The following CBLN2 variants were observed in gnomAD, a reference collection of about 807,000 sequenced individuals.
The protein encoded by CBLN2 is cerebellin 2 precursor.
CBLN2 carries 7 observed loss-of-function variants against 15.0 expected under a neutral mutation model. The ratio of observed to expected loss-of-function variants is 0.47; its 90% CI spans 0.27 to 0.88. The LOEUF (loss-of-function observed/expected upper bound fraction) is 0.88, where lower values mean the gene tolerates loss of function less well. CBLN2 is among the 40% of genes least tolerant of loss of function. The pLI, the probability that CBLN2 is intolerant of heterozygous loss-of-function variation, is 0.14. For synonymous variants in CBLN2, 149 were observed against 135.2 expected (o/e 1.10, Z -0.71); for missense variants, 242 against 304.5 (o/e 0.79, Z 1.53).
At chr18:72,602,829 C>G (rs909068742) in intron 1 of CBLN2, among the ~76,000 whole-genome samples, 6 of 152,190 alleles carry the variant, frequency 3.9e-5, no homozygotes, top group African/African-American at 1.4e-4. Flanking sequence ...GGATTTTGGT[C>G]TTGCCTAGCC....
chr18:72,623,966 G>T (rs1408240505), intron 1 of CBLN2, among the ~76,000 whole-genome samples: 2 of 152,136 alleles, frequency 1.3e-5, no homozygotes, highest in Non-Finnish European at 2.9e-5. Flanking sequence ...GGGAGCTAAA[G>T]TCACCTGGGA....
chr18:72,614,918 G>GAAT lies in CBLN2; in HGVS notation c.15+23404_15+23406dup, dbSNP rs529813478. Reference sequence around the variant, plus strand: ...AAATTAACATAGTTATGTATTACAAGAATATTTCCACTGCTTTTCAGCATA... The same window carrying GAAT: ...AAATTAACATAGTTATGTATTACAAGAATAATATTTCCACTGCTTTTCAGCATA... On this transcript the variant is annotated intron_variant, in intron 1 of 2. Coordinates refer to the CBLN2 transcript ENST00000581073. Among the ~76,000 whole-genome samples, 3 of 150,388 alleles carry GAAT rather than the reference G, an allele frequency of 2.0e-5. No homozygotes were observed. The South Asian group carries it at 6.2e-4, about 31-fold the overall frequency.
chr18:72,598,783 A>T (rs1242884816), intron 1 of CBLN2, among the ~76,000 whole-genome samples: 1 of 152,230 alleles, frequency 6.6e-6, no homozygotes, highest in African/African-American at 2.4e-5. Flanking sequence ...TGCTTCTTGC[A>T]TGGACATCAG....
At chr18:72,590,197 G>A (rs1020214683) in intron 1 of CBLN2, among the ~76,000 whole-genome samples, 5 of 152,034 alleles carry the variant, frequency 3.3e-5, no homozygotes, top group Non-Finnish European at 4.4e-5. Context: ...CCCGGGAGGC[G>A]GAGCTTGCAG....
chr18:72,636,049 C>A (rs755929375), intron 1 of CBLN2, among the ~76,000 whole-genome samples: 4 of 152,050 alleles, frequency 2.6e-5, no homozygotes, highest in Non-Finnish European at 5.9e-5. Context: ...AAAAATCACC[C>A]TTTTCTTCAT....
At chr18:72,541,451 A>T (rs1598987960) in intron 3 of CBLN2, among the ~76,000 whole-genome samples, 1 of 152,180 alleles carries the variant, frequency 6.6e-6, no homozygotes, top group African/African-American at 2.4e-5. Context: ...GTGACTGAAG[A>T]CCATCAACCA....
At chr18:72,584,095 A>G (rs1284968714) in intron 1 of CBLN2, among the ~76,000 whole-genome samples, 1 of 152,110 alleles carries the variant, frequency 6.6e-6, no homozygotes, top group Non-Finnish European at 1.5e-5. Context: ...CGTTCAAAGC[A>G]CCAGCTGCAG....
chr18:72,567,679 C>T (rs965819243), intron 1 of CBLN2, among the ~76,000 whole-genome samples: 4 of 152,192 alleles, frequency 2.6e-5, no homozygotes, highest in Admixed American at 1.3e-4. Context: ...CATCTTCCCT[C>T]TTTCCTTTTC....
intron 1 of CBLN2, among the ~76,000 whole-genome samples, chr18:72,600,067 T>C (rs913122884): frequency 1.1e-4 from 16 of 152,192 alleles, no homozygotes; most frequent in African/African-American, 3.9e-4. Flanking sequence ...GCAGAAGCAC[T>C]TGTGGCCACA....
intron 1 of CBLN2, among the ~76,000 whole-genome samples, chr18:72,604,495 A>C (rs1599019577): frequency 1.3e-5 from 2 of 152,202 alleles, no homozygotes. Flanking sequence ...ACAATTTATG[A>C]AACAGTCATA....
chr18:72,587,018 G>A (rs2069448280), intron 1 of CBLN2, among the ~76,000 whole-genome samples: 1 of 151,826 alleles, frequency 6.6e-6, no homozygotes, highest in Non-Finnish European at 1.5e-5. Context: ...ACACTGCTAT[G>A]ATTTTTTTAT....
intron 1 of CBLN2, among the ~76,000 whole-genome samples, chr18:72,555,173 A>G (rs555186318): frequency 2.0e-5 from 3 of 151,768 alleles, no homozygotes; most frequent in South Asian, 4.2e-4. Flanking sequence ...AGAGAGAGAG[A>G]GGGAAAAAAA....
chr18:72,539,962 T>G (rs1215157162), intron 3 of CBLN2: 1 of 152,222 alleles, frequency 6.6e-6, no homozygotes, highest in Non-Finnish European at 1.5e-5. Flanking sequence ...CCCAGCGCAA[T>G]GTGAAATGCT....
intron 1 of CBLN2, among the ~76,000 whole-genome samples, chr18:72,590,049 C>T (rs2069469611): frequency 2.0e-5 from 3 of 151,942 alleles, no homozygotes; most frequent in South Asian, 2.1e-4. Context: ...GGGCAGATCA[C>T]GAGGTCAGGA....
rs72634452 is a variant in CBLN2 at position 72,588,090 on chromosome 18, C to T, written c.16-49318G>A. On this transcript the variant is annotated intron_variant, in intron 1 of 2. Transcript: ENST00000581073. ...CATTTAGCTATAACCAAATGTATGG[C>T]TTAGTCATTTGCTATGTGACCTCAT... Among the ~76,000 whole-genome samples the T allele has an allele frequency of 0.026, 3,998 of 152,196 alleles. 535 individuals carry two copies. The East Asian group carries it at 0.43, about 16-fold the overall frequency.
At chr18:72,600,039 G>T (rs376067840) in intron 1 of CBLN2, among the ~76,000 whole-genome samples, 1 of 152,180 alleles carries the variant, frequency 6.6e-6, no homozygotes, top group South Asian at 2.1e-4. Flanking sequence ...TGTGGTTACA[G>T]CCTGCTCATT....
chr18:72,577,243 C>T (rs1205158554), intron 1 of CBLN2, among the ~76,000 whole-genome samples: 1 of 151,338 alleles, frequency 6.6e-6, no homozygotes, highest in Non-Finnish European at 1.5e-5. Context: ...ATCTGTAGGG[C>T]ATTTTTATTT....
chr18:72,541,266 C>T (rs1259032965), intron 3 of CBLN2, among the ~76,000 whole-genome samples: 2 of 151,680 alleles, frequency 1.3e-5, no homozygotes, highest in Admixed American at 6.6e-5. Flanking sequence ...ATTTATATAT[C>T]CATCCCTGTT....
At chr18:72,596,263 C>T (rs1013959786) in intron 1 of CBLN2, among the ~76,000 whole-genome samples, 3 of 151,760 alleles carry the variant, frequency 2.0e-5, no homozygotes, top group African/African-American at 4.8e-5. Context: ...ACAATTAACA[C>T]TGCATAAACA....
Sources: allele counts gnomAD v4.1 joint callset (sites outside exome capture counted in the v4.1 genomes callset), GRCh38; gene constraint gnomAD v4.1.1; transcripts MANE v1.5; gene names NCBI Gene and HGNC (gene_info 2026-07-23, HGNC 2026-07-21).